Variants in MKS1 observed in about 807,000 individuals in gnomAD.
MKS1 encodes the protein MKS transition zone complex subunit 1.
Under a neutral mutation model 83.7 loss-of-function variants are expected in MKS1, and 70 were observed. The observed-to-expected ratio is 0.84, with a 90% CI of 0.69 to 1.02. The LOEUF (loss-of-function observed/expected upper bound fraction) is 1.02. Ranked by LOEUF, MKS1 falls within the 50% of genes least tolerant of loss-of-function variation. The pLI, the probability that MKS1 is intolerant of heterozygous loss-of-function variation, is 0.00. For synonymous variants in MKS1, 251 were observed against 273.4 expected, an observed-to-expected ratio of 0.92 and a Z score of 0.81; for missense variants, 681 against 726.9, an observed-to-expected ratio of 0.94 and a Z score of 0.73.
At position 58,216,722 on chromosome 17, in the gene MKS1, C is replaced by T; in HGVS notation, c.205G>A (p.Glu69Lys). 6.2e-7 allele frequency: 1 copy of T among 1,614,214 alleles called. No individual in the cohort carries two copies. The highest frequency in any genetic ancestry group is 1.1e-5 in the South Asian group (1 of 91,068). ...ACAATCTCCTCCTCTTCGTCTTCCTCTGGGCGGTGTCCACCTCCAAAGACA... is the reference window on the plus strand; with the variant it reads ...ACAATCTCCTCCTCTTCGTCTTCCTTTGGGCGGTGTCCACCTCCAAAGACA... Reference protein sequence around the residue: ...PQPTASGHRPEEDEEEEIVIG... With the variant: ...PQPTASGHRPKEDEEEEIVIG... Residue 69 changes from glutamate (E) to lysine (K), a missense_variant, in exon 3 of 18, where the codon GAG becomes AAG. By Grantham distance (56) the Glu-to-Lys change is moderately conservative (BLOSUM62 1). Transcript: ENST00000393119.
At chr17:58,213,184 T>A (rs1479428010) in intron 7 of MKS1, 94 bp from the exon 8 acceptor site, 1 of 1,160,230 alleles carries the variant, frequency 8.6e-7, no homozygotes, top group East Asian at 2.4e-5. Flanking sequence ...TCAGGGGCCA[T>A]ACACCTCACT....
chr17:58,217,699 G>A (rs1969300172), intron 2 of MKS1, among the ~76,000 whole-genome samples: 1 of 152,168 alleles, frequency 6.6e-6, no homozygotes, highest in Non-Finnish European at 1.5e-5. Flanking sequence ...CAGCTAGTTG[G>A]GAGGCTGAGG....
At chr17:58,207,279 C>T in intron 14 of MKS1, 61 bp from the exon 15 acceptor site, 2 of 1,608,360 alleles carry the variant, frequency 1.2e-6, no homozygotes, top group Non-Finnish European at 1.7e-6. Context: ...CCCTCACTGA[C>T]TCCCCAGCAA....
chr17:58,208,603 T>C lies in MKS1; in HGVS notation c.1025-20A>G. On this transcript the variant is annotated intron_variant, in intron 11 of 17. Transcript: ENST00000393119. ...ACCAGTCTGAAAGCCAAAGACCAAATATAGTAAGCTCGCCTGGGAGGAAAG... is the reference window on the plus strand; with the variant it reads ...ACCAGTCTGAAAGCCAAAGACCAAACATAGTAAGCTCGCCTGGGAGGAAAG... The C allele has an allele frequency of 1.2e-6, 2 of 1,611,208 alleles. No individual in the cohort carries two copies. The highest frequency in any genetic ancestry group is 1.7e-6 in the Non-Finnish European group (2 of 1,177,546).
intron 8 of MKS1, 144 bp downstream of exon 8, chr17:58,212,838 T>C: frequency 1.3e-6 from 1 of 758,380 alleles, no homozygotes; most frequent in Admixed American, 1.9e-5. Flanking sequence ...TTCTGTCTGA[T>C]ATGTCAGCAA....
At chr17:58,208,634 C>A (rs552631149) in intron 11 of MKS1, 51 bp from the exon 12 acceptor site, 22 of 1,483,442 alleles carry the variant, frequency 1.5e-5, no homozygotes, top group Non-Finnish European at 1.4e-5. Context: ...GAAAGCAAGT[C>A]ATTCAGAAAA....
chr17:58,206,600 C>T (rs539223121), intron 15 of MKS1, 53 bp from the exon 16 acceptor site: 91 of 1,526,100 alleles, frequency 6.0e-5, no homozygotes, highest in East Asian at 1.8e-4. Context: ...TAGACACCCC[C>T]GCACCATGCT....
intron 4 of MKS1, among the ~76,000 whole-genome samples, chr17:58,215,139 G>A (rs1330651172): frequency 3.3e-5 from 5 of 152,226 alleles, no homozygotes; most frequent in African/African-American, 1.2e-4. Flanking sequence ...GGTAGATGTT[G>A]AAGTTAACAA....
intron 2 of MKS1, among the ~76,000 whole-genome samples, chr17:58,218,133 G>C (rs1300126998): frequency 6.6e-6 from 1 of 152,100 alleles, no homozygotes; most frequent in Non-Finnish European, 1.5e-5. Context: ...TTAGGGTTTG[G>C]GGCACGTTTT....
intron 9 of MKS1, chr17:58,211,249 A>G (rs919945889): frequency 1.8e-6 from 1 of 564,898 alleles, no homozygotes; most frequent in African/African-American, 1.9e-5. Context: ...AGTGAGGACA[A>G]TGCACTATGG....
intron 5 of MKS1, 142 bp from the exon 6 acceptor site, chr17:58,214,529 A>C: frequency 7.2e-7 from 1 of 1,393,744 alleles, no homozygotes; most frequent in Non-Finnish European, 9.9e-7. Context: ...TTTGACAAAC[A>C]GAAATGACAT....
chr17:58,207,784 C>T (rs1209696645), intron 14 of MKS1, 110 bp downstream of exon 14: 4 of 1,080,280 alleles, frequency 3.7e-6, no homozygotes, highest in South Asian at 1.3e-5. Flanking sequence ...TCAAGCCAAA[C>T]ATTTCCAATT....
intron 13 of MKS1, 35 bp from the exon 14 acceptor site, chr17:58,208,036 C>T (rs766917347): frequency 4.8e-5 from 77 of 1,609,184 alleles, no homozygotes; most frequent in East Asian, 2.2e-4. Context: ...AGGTCACAGG[C>T]GGCCTTCACC....
At position 58,210,674 on chromosome 17, in the gene MKS1, C is replaced by A; in HGVS notation, c.1009G>T (p.Glu337Ter). ...YDNLYVHFFV[E>*]LPTAHWSSPA... The stretch of plus-strand genomic sequence containing the variant: ...TATTACTTACGAGCAGTTGGCAATT[C>A]TACAAAGAAGTGGACGTAGAGATTG... Residue 337 changes from glutamate to a stop codon, truncating the protein, a stop_gained, in exon 11 of 18, where the codon GAA becomes TAA. Transcript: ENST00000393119. LOFTEE classifies it high-confidence loss of function. 1 of 1,613,888 alleles carries A rather than the reference C, an allele frequency of 6.2e-7. No homozygotes were observed. Among genetic ancestry groups the A allele is most frequent in the Non-Finnish European group, 8.5e-7 (1 of 1,179,786 alleles).
chr17:58,206,744 T>C (rs1349561015), intron 15 of MKS1, 197 bp from the exon 16 acceptor site: 5 of 682,808 alleles, frequency 7.3e-6, no homozygotes, highest in Non-Finnish European at 1.3e-5. Flanking sequence ...CCAGGGAACA[T>C]TCCAACCTCA....
At position 58,219,194 on chromosome 17, in the gene MKS1, C is replaced by A. The variant is rs1290085395; in HGVS notation, c.37G>T (p.Ala13Ser). The A allele has an allele frequency of 6.4e-7, 1 of 1,551,044 alleles. No homozygotes were observed. The highest frequency in any genetic ancestry group is 8.7e-7 in the Non-Finnish European group (1 of 1,146,998). The change falls in exon 1 of 18, where the codon GCA (alanine) becomes TCA (serine). Residue 13 changes from alanine (A) to serine (S), a missense_variant. Physicochemically the swap from Ala to Ser is moderately conservative, Grantham distance 99. Coordinates refer to ENST00000393119, the MANE Select transcript of MKS1 (RefSeq NM_017777.4). ...ETVWSTDTGE[A>S]VYRSRDPVRN... ...ACGGGGTCCCGGGAGCGATACACTGCCTCCCCGGTGTCAGTGCTCCAGACG... is the reference window on the plus strand; with the variant it reads ...ACGGGGTCCCGGGAGCGATACACTGACTCCCCGGTGTCAGTGCTCCAGACG...
intron 2 of MKS1, among the ~76,000 whole-genome samples, chr17:58,218,341 G>T (rs1349897111): frequency 6.6e-6 from 1 of 151,006 alleles, no homozygotes; most frequent in Admixed American, 6.6e-5. Flanking sequence ...CCAGCTACTC[G>T]GGAGGCTGAG....
chr17:58,216,600 G>A, intron 3 of MKS1, 66 bp downstream of exon 3: 5 of 1,527,944 alleles, frequency 3.3e-6, no homozygotes, highest in Non-Finnish European at 4.5e-6. Context: ...TTGGCAATAT[G>A]TATCACCAGC....
chr17:58,213,851 A>G lies in MKS1; in HGVS notation c.663T>C (p.Tyr221=), dbSNP rs1597993685. ...GPYKKLGYKK[Y]EHVLCTLKVD... ...CCTTCAGAGTACACAGGACATGTTC[A>G]TACTTCTTATAGCCAAGCCTAGAAA... Residue 221 remains tyrosine, a synonymous_variant, in exon 7 of 18, where the codon TAT becomes TAC. Coordinates refer to ENST00000393119, the MANE Select transcript of MKS1 (RefSeq NM_017777.4). 6.2e-7 allele frequency: 1 copy of G among 1,613,964 alleles called. No individual in the cohort carries two copies.
Sources: allele counts gnomAD v4.1 joint callset (sites outside exome capture counted in the v4.1 genomes callset), GRCh38; gene constraint gnomAD v4.1.1; transcripts MANE v1.5; gene names NCBI Gene and HGNC (gene_info 2026-07-23, HGNC 2026-07-21).